EYA2: variants seen among roughly 807,000 people sequenced by gnomAD.
EYA2 encodes EYA transcriptional coactivator and phosphatase 2.
In EYA2, 31 loss-of-function variants were observed where a neutral mutation model predicts 69.2. The observed-to-expected ratio is 0.45, with a 90% confidence interval of 0.34 to 0.60. The LOEUF is 0.60. Among genes scored for constraint, EYA2 ranks in the 20% least tolerant of loss-of-function variants. The pLI is 0.02. For synonymous variants in EYA2, 257 were observed against 279.4 expected, an observed-to-expected ratio of 0.92 and a Z score of 0.80; for missense variants, 622 against 701.2, an observed-to-expected ratio of 0.89 and a Z score of 1.28.
rs555769736 is a variant in EYA2, at chr20:46,910,526, G to A, written c.-11+15539G>A. Among the ~76,000 whole-genome samples, 4 of 152,302 alleles carry A rather than the reference G, an allele frequency of 2.6e-5. No individual in the cohort carries two copies. The East Asian group carries it at 7.7e-4, about 29-fold the overall frequency. On this transcript the variant is annotated intron_variant, in intron 1 of 15. Transcript: ENST00000327619. The stretch of plus-strand genomic sequence containing the variant: ...ACAAAAGTTGAGGCACTCCAGCCAA[G>A]CATAGGACATGCGCTGGGCTTCAGA...
intron 4 of EYA2, among the ~76,000 whole-genome samples, chr20:47,009,183 A>G (rs891184046): frequency 1.4e-4 from 22 of 152,174 alleles, no homozygotes; most frequent in African/African-American, 5.1e-4. Context: ...CCACACACAC[A>G]CGCGTGCACG....
At chr20:47,042,595 G>A (rs1247190381) in intron 5 of EYA2, among the ~76,000 whole-genome samples, 1 of 152,132 alleles carries the variant, frequency 6.6e-6, no homozygotes, top group Admixed American at 6.6e-5. Flanking sequence ...TCCAGATGGC[G>A]GGAACCATCC....
chr20:46,920,310 C>A (rs756738492), intron 1 of EYA2, among the ~76,000 whole-genome samples: 7 of 151,268 alleles, frequency 4.6e-5, no homozygotes, highest in Non-Finnish European at 1.5e-5. Flanking sequence ...TGCTTTATTG[C>A]GGTGATCTGG....
chr20:47,024,023 A>T (rs1396995706), intron 5 of EYA2, among the ~76,000 whole-genome samples: 2 of 152,170 alleles, frequency 1.3e-5, no homozygotes, highest in Non-Finnish European at 2.9e-5. Flanking sequence ...CAGTTGTAGT[A>T]AACGTTTTAA....
intron 1 of EYA2, among the ~76,000 whole-genome samples, chr20:46,982,869 G>A (rs899017153): frequency 1.3e-5 from 2 of 151,646 alleles, no homozygotes; most frequent in Admixed American, 1.3e-4. Flanking sequence ...CGCCTCCTGG[G>A]TTCAAGCAAT....
At chr20:47,108,820 G>T (rs1049146834) in intron 9 of EYA2, among the ~76,000 whole-genome samples, 3 of 151,976 alleles carry the variant, frequency 2.0e-5, no homozygotes, top group Non-Finnish European at 4.4e-5. Context: ...TTTCCAAGGT[G>T]CTGGGATTAC....
chr20:47,003,616 T>C (rs1032142682), intron 3 of EYA2, among the ~76,000 whole-genome samples: 15 of 152,222 alleles, frequency 9.9e-5, no homozygotes, highest in African/African-American at 3.6e-4. Context: ...TTAACAACAA[T>C]TTCAAATTAG....
chr20:47,126,425 G>T (rs1319947755), intron 9 of EYA2, among the ~76,000 whole-genome samples: 1 of 152,186 alleles, frequency 6.6e-6, no homozygotes, highest in African/African-American at 2.4e-5. Flanking sequence ...TAAGTGGCCT[G>T]TCCCAAGTCA....
intron 1 of EYA2, among the ~76,000 whole-genome samples, chr20:46,947,623 T>C (rs777064514): frequency 1.3e-5 from 2 of 152,234 alleles, no homozygotes; most frequent in South Asian, 4.1e-4. Flanking sequence ...ACGTTTGCCC[T>C]GGATCACTGG....
intron 1 of EYA2, among the ~76,000 whole-genome samples, chr20:46,926,232 G>A (rs1303187245): frequency 1.3e-5 from 2 of 152,080 alleles, no homozygotes; most frequent in African/African-American, 2.4e-5. Context: ...AAATATATAC[G>A]TACACACATA....
At chr20:46,901,317 C>T (rs528122155) in intron 1 of EYA2, 1 of 152,198 alleles carries the variant, frequency 6.6e-6, no homozygotes, top group Non-Finnish European at 1.5e-5. Flanking sequence ...TCTTCACCTC[C>T]CATTCCCTTC....
At chr20:47,016,798 T>G (rs1022135313) in intron 5 of EYA2, among the ~76,000 whole-genome samples, 2 of 152,146 alleles carry the variant, frequency 1.3e-5, no homozygotes, top group Non-Finnish European at 1.5e-5. Context: ...CCAGTGAGAC[T>G]GGAGCAAAGT....
chr20:46,921,785 TC>T (rs1394491691), intron 1 of EYA2, among the ~76,000 whole-genome samples: 1 of 152,238 alleles, frequency 6.6e-6, no homozygotes. Context: ...AGCACCTGGA[TC>T]CAGCTGTTCC....
At chr20:47,149,659 A>G (rs1364374379) in intron 10 of EYA2, among the ~76,000 whole-genome samples, 3 of 148,844 alleles carry the variant, frequency 2.0e-5, no homozygotes, top group Non-Finnish European at 3.0e-5. Context: ...CCTCGCCAAC[A>G]TGGCAAAACC....
intron 2 of EYA2, among the ~76,000 whole-genome samples, chr20:46,993,514 T>C (rs1439994383): frequency 6.6e-6 from 1 of 152,200 alleles, no homozygotes; most frequent in South Asian, 2.1e-4. Flanking sequence ...TCTTTCCTAA[T>C]GAAAGGAACT....
chr20:46,972,675 G>A (rs77479257), intron 1 of EYA2, among the ~76,000 whole-genome samples: 10,708 of 152,186 alleles, frequency 0.07, 1,268 homozygotes, highest in African/African-American at 0.24. Context: ...AAGTGAGAAA[G>A]TTGAAGCAGA....
rs142623682 is a variant in EYA2 at position 47,137,343 on chromosome 20, G to A, written c.889-5716G>A. Among the ~76,000 whole-genome samples, 309 of 152,316 alleles carry A rather than the reference G, an allele frequency of 2.0e-3. 1 individual carries two copies. Among genetic ancestry groups the A allele is most frequent in the African/African-American group, 6.8e-3 (281 of 41,566 alleles). The stretch of plus-strand genomic sequence containing the variant: ...CTTTGCTTAAAGGCTCAAGGAAGGG[G>A]ACTGGGGGATTTTGACAATAACCAA... On this transcript the variant is annotated intron_variant, in intron 9 of 15. Transcript: ENST00000327619.
At chr20:46,930,627 C>T (rs78362476) in intron 1 of EYA2, among the ~76,000 whole-genome samples, 2,755 of 152,226 alleles carry the variant, frequency 0.018, 76 homozygotes, top group African/African-American at 0.063. Context: ...GGTTAGGTTT[C>T]TTGATCAAAC....
chr20:47,120,297 G>A (rs780470516), intron 9 of EYA2, among the ~76,000 whole-genome samples: 12 of 152,092 alleles, frequency 7.9e-5, no homozygotes, highest in Admixed American at 3.3e-4. Context: ...GATCGCTTGA[G>A]CCCAGGAGTT....
Sources: gnomAD v4.1 joint callset for allele counts (sites outside exome capture counted in the v4.1 genomes callset) on GRCh38, gnomAD v4.1.1 for gene constraint, MANE v1.5 for transcripts, NCBI Gene and HGNC (gene_info 2026-07-23, HGNC 2026-07-21) for gene names.